The following LPCAT1 variants were observed in gnomAD, a reference collection of about 807,000 sequenced individuals.
The protein encoded by LPCAT1 is lysophosphatidylcholine acyltransferase 1, also known as 1-acylglycerol-3-phosphate O-acyltransferase.
In LPCAT1, 23 loss-of-function variants were observed where a neutral mutation model predicts 60.9. The ratio of observed to expected loss-of-function variants is 0.38; its 90% CI spans 0.27 to 0.53. LPCAT1 has a LOEUF of 0.53. LPCAT1 is among the 20% of genes least tolerant of loss of function. The pLI is 0.82. For missense variants in LPCAT1, 622 were observed against 723.6 expected (o/e 0.86, Z 1.61); for synonymous variants, 340 against 301.1 (o/e 1.13, Z -1.34).
chr5:1,475,388 G>A (rs1329082969), intron 9 of LPCAT1, among the ~76,000 whole-genome samples: 1 of 152,168 alleles, frequency 6.6e-6, no homozygotes, highest in Non-Finnish European at 1.5e-5. Context: ...CCAGGGACCA[G>A]GAGCCCTGGC....
Position 1,523,743 on chromosome 5 carries a change from G to T in LPCAT1, c.102C>A (p.His34Gln). The T allele has an allele frequency of 8.5e-7, 1 of 1,176,270 alleles. No homozygotes were observed. Among genetic ancestry groups the T allele is most frequent in the South Asian group, 2.3e-5 (1 of 43,830 alleles). 72.9% of individuals were successfully genotyped at this position (1,176,270 alleles called of 1,614,324 possible). The change falls in exon 1 of 14, where the codon CAC becomes CAA. Residue 34 changes from histidine to glutamine, a missense_variant. Physicochemically the swap from His to Gln is conservative, Grantham distance 24 (BLOSUM62 0). Coordinates refer to ENST00000283415, the MANE Select transcript of LPCAT1 (RefSeq NM_024830.5). This position sits in a 1 kb window ranked among gnomAD's most constrained non-coding sequence, Gnocchi z 7.1. ...TCTGCAGGGCGCTGAGGCGCAGCTC[G>T]TGCACGAAGGGGTTCCGCCCCGGGG... is the stretch of plus-strand genomic sequence containing the variant. The part of the protein sequence containing the change: ...LAPPGRNPFV[H>Q]ELRLSALQKA...
intron 5 of LPCAT1, among the ~76,000 whole-genome samples, chr5:1,486,824 G>A (rs945871836): frequency 1.3e-5 from 2 of 152,200 alleles, no homozygotes; most frequent in Non-Finnish European, 2.9e-5. Context: ...CAGAACTCAT[G>A]GCTGGACCCA....
chr5:1,493,371 C>G (rs1735661434), intron 3 of LPCAT1, among the ~76,000 whole-genome samples: 1 of 152,272 alleles, frequency 6.6e-6, no homozygotes, highest in South Asian at 2.1e-4. Flanking sequence ...TGGCCACCAC[C>G]CTCAGTGGTC....
chr5:1,499,139 C>T (rs1433908007), intron 2 of LPCAT1, among the ~76,000 whole-genome samples: 4 of 152,200 alleles, frequency 2.6e-5, no homozygotes, highest in Admixed American at 2.6e-4. Context: ...GTCCATTTAT[C>T]GCCTGTTGAA....
At position 1,466,795 on chromosome 5, in the gene LPCAT1, G is replaced by A. The variant is rs759051643; in HGVS notation, c.1374C>T (p.Asp458=). The part of the protein sequence containing the change: ...ALGVAELTVT[D]LFRAIDQEEK... ...CCTCTTGGTCAATGGCTCGGAATAGGTCGGTCACGGTGAGCTCTGCCACCC... is the reference window on the plus strand; with the variant it reads ...CCTCTTGGTCAATGGCTCGGAATAGATCGGTCACGGTGAGCTCTGCCACCC... Residue 458 remains aspartate (D), a synonymous_variant, in exon 13 of 14, where the codon GAC becomes GAT. Transcript: ENST00000283415. 6 of 1,613,168 alleles carry A rather than the reference G, an allele frequency of 3.7e-6. No homozygotes were observed. In the East Asian group the frequency reaches 1.3e-4, roughly 36 times the overall value.
intron 5 of LPCAT1, among the ~76,000 whole-genome samples, chr5:1,484,070 T>C (rs1169758612): frequency 6.6e-6 from 1 of 152,216 alleles, no homozygotes; most frequent in African/African-American, 2.4e-5. Context: ...CGCCCTCACC[T>C]GCCCCTGGGG....
rs1185627330 is a variant in LPCAT1, at chr5:1,522,307, A to G, written c.135+1403T>C. ...AAGAGGAGGAATGGTTGAGGGGCACAGAATGAGCGACCGTGTCCCAAGTCC... is the reference window on the plus strand; with the variant it reads ...AAGAGGAGGAATGGTTGAGGGGCACGGAATGAGCGACCGTGTCCCAAGTCC... On this transcript the variant is annotated intron_variant, in intron 1 of 13. Transcript: ENST00000283415. The surrounding 1 kb of genome is among the most constrained non-coding windows in gnomAD (Gnocchi z 6.8). Among the ~76,000 whole-genome samples, 1 of 152,168 alleles carries G rather than the reference A, an allele frequency of 6.6e-6. No homozygotes were observed. The highest frequency in any genetic ancestry group is 6.5e-5 in the Admixed American group (1 of 15,278).
intron 1 of LPCAT1, among the ~76,000 whole-genome samples, chr5:1,503,480 C>A (rs149154020): frequency 3.3e-5 from 5 of 152,246 alleles, no homozygotes; most frequent in African/African-American, 9.6e-5. Context: ...TGATGCCTTA[C>A]GGCCACGGTC....
At chr5:1,475,191 G>A (rs1443672850) in intron 9 of LPCAT1, among the ~76,000 whole-genome samples, 1 of 152,268 alleles carries the variant, frequency 6.6e-6, no homozygotes, top group Non-Finnish European at 1.5e-5. Context: ...GTGTGCTCAG[G>A]TGATGAGAAA....
chr5:1,494,468 T>G (rs1336448692), intron 3 of LPCAT1, among the ~76,000 whole-genome samples: 3 of 141,548 alleles, frequency 2.1e-5, no homozygotes, highest in African/African-American at 2.7e-5. Context: ...TTCCAGCAAG[T>G]GGGGGTCCCT....
At chr5:1,497,364 C>T (rs1012662906) in intron 2 of LPCAT1, among the ~76,000 whole-genome samples, 9 of 152,226 alleles carry the variant, frequency 5.9e-5, no homozygotes, top group South Asian at 2.1e-4. Flanking sequence ...CACGTCTAAG[C>T]GTGAGGGGCA....
rs910549483 is a variant in LPCAT1, at chr5:1,489,730, G to C, written c.606+16C>G. ...GAATAAAACCACTGAAACACAATCA[G>C]GGCTACGTGCATTACCTGTGGCCAC... On this transcript the variant is annotated intron_variant, in intron 4 of 13. Transcript: ENST00000283415. 5 of 1,536,588 alleles carry C rather than the reference G, an allele frequency of 3.3e-6. No homozygotes were observed. Among genetic ancestry groups the C allele is most frequent in the Non-Finnish European group, 4.5e-6 (5 of 1,109,162 alleles).
rs180837307 is a variant in LPCAT1, at chr5:1,470,858, G to A, written c.1246C>T (p.Arg416Trp). 15 of 1,613,590 alleles carry A rather than the reference G, an allele frequency of 9.3e-6. No homozygotes were observed. Among genetic ancestry groups the A allele is most frequent in the Admixed American group, 1.7e-5 (1 of 60,000 alleles). The part of the protein sequence containing the change: ...VALSVVCRPA[R>W]TLDTIQLAFK... Reference sequence around the variant, plus strand: ...GCCAGCTGGATGGTGTCCAGGGTCCGGGCCGGCCGGCAGACGACAGACAGG... The same window carrying A: ...GCCAGCTGGATGGTGTCCAGGGTCCAGGCCGGCCGGCAGACGACAGACAGG... Residue 416 changes from arginine to tryptophan, a missense_variant, in exon 12 of 14, where the codon CGG becomes TGG. Transcript: ENST00000283415.
chr5:1,465,096 C>T (rs1734301755), intron 13 of LPCAT1, among the ~76,000 whole-genome samples: 2 of 149,732 alleles, frequency 1.3e-5, no homozygotes, highest in South Asian at 4.3e-4. Flanking sequence ...TGCGCATGCA[C>T]ACATGGTAAC....
intron 1 of LPCAT1, among the ~76,000 whole-genome samples, chr5:1,513,262 T>G (rs967198943): frequency 1.3e-5 from 2 of 152,302 alleles, no homozygotes; most frequent in East Asian, 3.9e-4. Flanking sequence ...CCTGAAGGGT[T>G]TGGGACACCC....
At chr5:1,518,027 T>A (rs1378553585) in intron 1 of LPCAT1, among the ~76,000 whole-genome samples, 1 of 152,216 alleles carries the variant, frequency 6.6e-6, no homozygotes, top group Non-Finnish European at 1.5e-5. Context: ...ACGGCTCACA[T>A]GGACTAATGC....
Position 1,476,646 on chromosome 5 carries a change from G to A in LPCAT1, c.899+758C>T, listed in dbSNP as rs1054170860. On this transcript the variant is annotated intron_variant, in intron 9 of 13. Coordinates refer to ENST00000283415, the MANE Select transcript of LPCAT1 (RefSeq NM_024830.5). This position sits in a 1 kb window ranked among gnomAD's most constrained non-coding sequence, Gnocchi z 8.6. Reference sequence around the variant, plus strand: ...TGCAGCTCAGGTCTGGCAGCCGCCCGGTGGAGGGGAGGCTCTAGCTCCACT... The same window carrying A: ...TGCAGCTCAGGTCTGGCAGCCGCCCAGTGGAGGGGAGGCTCTAGCTCCACT... 3.3e-5 allele frequency among the ~76,000 whole-genome samples: 5 copies of A among 152,178 alleles called. No homozygotes were observed. Among genetic ancestry groups the A allele is most frequent in the African/African-American group, 7.2e-5 (3 of 41,430 alleles).
rs569511823 is a variant in LPCAT1 at position 1,493,519 on chromosome 5, G to A, written c.493+1181C>T. ...GCAGGAGTGGCCAGGTGAGGGCCCC[G>A]GCCATAGGCGACGCCCCTCGTCCCA... On this transcript the variant is annotated intron_variant, in intron 3 of 13. Coordinates refer to ENST00000283415, the MANE Select transcript of LPCAT1 (RefSeq NM_024830.5). Among the ~76,000 whole-genome samples, 37 of 152,374 alleles carry A rather than the reference G, an allele frequency of 2.4e-4. No individual in the cohort carries two copies. In the East Asian group the frequency reaches 6.7e-3, roughly 28 times the overall value.
Position 1,501,619 on chromosome 5 carries a change from G to A in LPCAT1, c.136-16C>T. 1 of 1,613,268 alleles carries A rather than the reference G, an allele frequency of 6.2e-7. No individual in the cohort carries two copies. The highest frequency in any genetic ancestry group is 8.5e-7 in the Non-Finnish European group (1 of 1,179,446). ...TGAGGGCCACCTGCAGACAGAGGGGGGCATTATCCAGAGAATCCATGTAGG... is the reference window on the plus strand; with the variant it reads ...TGAGGGCCACCTGCAGACAGAGGGGAGCATTATCCAGAGAATCCATGTAGG... On this transcript the variant is annotated splice_polypyrimidine_tract_variant and intron_variant, in intron 1 of 13. Coordinates refer to ENST00000283415, the MANE Select transcript of LPCAT1 (RefSeq NM_024830.5).
Sources: allele counts gnomAD v4.1 joint callset (sites outside exome capture counted in the v4.1 genomes callset), GRCh38; gene constraint gnomAD v4.1.1; non-coding constraint Gnocchi (gnomAD v3.1); transcripts MANE v1.5; gene names NCBI Gene and HGNC (gene_info 2026-07-23, HGNC 2026-07-21).